The following ANGPT1 variants were observed in gnomAD, a reference collection of about 807,000 sequenced individuals.
The protein encoded by ANGPT1 is angiopoietin-1.
ANGPT1 carries 17 observed loss-of-function variants against 62.2 expected under a neutral mutation model. The ratio of observed to expected loss-of-function variants is 0.27; its 90% CI spans 0.19 to 0.41. The LOEUF is 0.41. Among genes scored for constraint, ANGPT1 ranks in the 10% least tolerant of loss-of-function variants. ANGPT1 has a pLI of 1.00. For missense variants in ANGPT1, 478 were observed against 594.9 expected, an observed-to-expected ratio of 0.80 and a Z score of 2.04; for synonymous variants, 199 against 198.9, an observed-to-expected ratio of 1.00 and a Z score of 0.00.
At chr8:107,489,933 G>T (rs1812913966) in intron 1 of ANGPT1, among the ~76,000 whole-genome samples, 1 of 150,520 alleles carries the variant, frequency 6.6e-6, no homozygotes, top group Non-Finnish European at 1.5e-5. Flanking sequence ...ATAGCTTGCG[G>T]TATTAAAAAA....
intron 1 of ANGPT1, among the ~76,000 whole-genome samples, chr8:107,415,485 A>C (rs1810715907): frequency 1.3e-5 from 2 of 152,174 alleles, no homozygotes; most frequent in East Asian, 3.9e-4. Flanking sequence ...GTGTGAGTTT[A>C]TTAAGGTATT....
At chr8:107,322,419 A>G (rs1815176348) in intron 3 of ANGPT1, among the ~76,000 whole-genome samples, 1 of 152,184 alleles carries the variant, frequency 6.6e-6, no homozygotes, top group Non-Finnish European at 1.5e-5. Flanking sequence ...TAGCTAACTT[A>G]CACCCAAATA....
At chr8:107,317,424 C>G (rs1413090177) in intron 4 of ANGPT1, among the ~76,000 whole-genome samples, 1 of 152,152 alleles carries the variant, frequency 6.6e-6, no homozygotes, top group Non-Finnish European at 1.5e-5. Context: ...CTGATTTGAG[C>G]AGTGTGAGAC....
At chr8:107,368,199 A>G (rs1816315303) in intron 1 of ANGPT1, among the ~76,000 whole-genome samples, 1 of 152,190 alleles carries the variant, frequency 6.6e-6, no homozygotes, top group African/African-American at 2.4e-5. Flanking sequence ...GTATAAAAAC[A>G]ATATTAATAT....
At chr8:107,343,899 A>G (rs1815748194) in intron 2 of ANGPT1, among the ~76,000 whole-genome samples, 1 of 152,030 alleles carries the variant, frequency 6.6e-6, no homozygotes, top group African/African-American at 2.4e-5. Flanking sequence ...TGGTCTCTAC[A>G]AAAAATAAGG....
intron 8 of ANGPT1, among the ~76,000 whole-genome samples, chr8:107,262,067 C>T (rs575385810): frequency 6.6e-6 from 1 of 152,070 alleles, no homozygotes; most frequent in East Asian, 1.9e-4. Flanking sequence ...TGGTGGCACG[C>T]ACCTGTAGTC....
chr8:107,332,005 G>C (rs192433688), intron 3 of ANGPT1, among the ~76,000 whole-genome samples: 1 of 152,132 alleles, frequency 6.6e-6, no homozygotes, highest in Non-Finnish European at 1.5e-5. Flanking sequence ...AGTCAGAGAT[G>C]GGCGGGTGCT....
intron 1 of ANGPT1, among the ~76,000 whole-genome samples, chr8:107,374,418 T>C (rs1462018057): frequency 6.6e-6 from 1 of 152,236 alleles, no homozygotes; most frequent in Non-Finnish European, 1.5e-5. Flanking sequence ...ACTAACATGT[T>C]CACATGCACT....
At chr8:107,327,668 T>G (rs1480939237) in intron 3 of ANGPT1, among the ~76,000 whole-genome samples, 1 of 152,114 alleles carries the variant, frequency 6.6e-6, no homozygotes, top group East Asian at 1.9e-4. Flanking sequence ...CTATACAAAT[T>G]GAGCTAGAAA....
intron 1 of ANGPT1, among the ~76,000 whole-genome samples, chr8:107,418,617 A>G (rs925298670): frequency 2.0e-5 from 3 of 152,242 alleles, no homozygotes; most frequent in African/African-American, 4.8e-5. Flanking sequence ...AAATCCAGTA[A>G]TGAACAATGG....
At chr8:107,266,803 C>A (rs1374132703) in intron 7 of ANGPT1, among the ~76,000 whole-genome samples, 2 of 152,074 alleles carry the variant, frequency 1.3e-5, no homozygotes, top group African/African-American at 4.8e-5. Context: ...TAAGAGACTG[C>A]TATGTGCTTG....
At chr8:107,305,740 T>G (rs546470231) in intron 4 of ANGPT1, among the ~76,000 whole-genome samples, 1 of 152,202 alleles carries the variant, frequency 6.6e-6, no homozygotes, top group East Asian at 1.9e-4. Context: ...TAATTTGGTA[T>G]GTTTGAAAAA....
At chr8:107,338,525 C>T (rs1347606691) in intron 2 of ANGPT1, among the ~76,000 whole-genome samples, 1 of 152,160 alleles carries the variant, frequency 6.6e-6, no homozygotes, top group African/African-American at 2.4e-5. Context: ...GTTTAAACTG[C>T]TATGACTCAT....
chr8:107,493,929 CA>C (rs1421805141), intron 1 of ANGPT1, among the ~76,000 whole-genome samples: 2 of 150,156 alleles, frequency 1.3e-5, no homozygotes, highest in Admixed American at 1.3e-4. Flanking sequence ...CATCCTTAAC[CA>C]AAAAATGTTG....
At chr8:107,367,632 T>G (rs530146255) in intron 1 of ANGPT1, among the ~76,000 whole-genome samples, 5 of 152,332 alleles carry the variant, frequency 3.3e-5, no homozygotes, top group African/African-American at 9.6e-5. Context: ...TAGAACTTTT[T>G]CAAAATGGGA....
In ANGPT1 at chr8:107,375,890, C is replaced by T. The variant is rs545875323; in HGVS notation, c.298-28793G>A. ...CAGTTTTAAAGCAGCTTGCCCCTGT[C>T]TTCCAGGCTATATGGTCAATCATTG... On this transcript the variant is annotated intron_variant, in intron 1 of 8. Transcript: ENST00000517746. Among the ~76,000 whole-genome samples, 5 of 152,260 alleles carry T rather than the reference C, an allele frequency of 3.3e-5. No homozygotes were observed. In the South Asian group the frequency reaches 6.2e-4, roughly 19 times the overall value.
chr8:107,253,833 C>T (rs1586160634), intron 8 of ANGPT1, among the ~76,000 whole-genome samples: 1 of 152,162 alleles, frequency 6.6e-6, no homozygotes, highest in Non-Finnish European at 1.5e-5. Flanking sequence ...ACAGTAAGAG[C>T]CTGTGAGAGA....
intron 1 of ANGPT1, among the ~76,000 whole-genome samples, chr8:107,375,296 G>A (rs906374115): frequency 2.6e-5 from 4 of 152,302 alleles, no homozygotes; most frequent in Middle Eastern, 3.4e-3. Context: ...AAATATGGCA[G>A]TTAGTATTTT....
intron 1 of ANGPT1, among the ~76,000 whole-genome samples, chr8:107,388,924 G>T (rs1816784040): frequency 6.6e-6 from 1 of 152,190 alleles, no homozygotes; most frequent in Non-Finnish European, 1.5e-5. Flanking sequence ...GTACACTTTT[G>T]TTCAAAGGAG....
Sources: allele counts gnomAD v4.1 joint callset (sites outside exome capture counted in the v4.1 genomes callset), GRCh38; gene constraint gnomAD v4.1.1; transcripts MANE v1.5; gene names NCBI Gene and HGNC (gene_info 2026-07-23, HGNC 2026-07-21).